SDK1: variants seen among roughly 807,000 people sequenced by gnomAD.
SDK1 encodes protein sidekick-1.
Under a neutral mutation model 245.5 loss-of-function variants are expected in SDK1, and 157 were observed. The observed-to-expected ratio is 0.64, with a 90% confidence interval of 0.56 to 0.73. The LOEUF (loss-of-function observed/expected upper bound fraction) is 0.73. Ranked by LOEUF, SDK1 falls within the 30% of genes least tolerant of loss-of-function variation. The probability of loss-of-function intolerance (pLI) is 0.00; values close to 1 mark genes in which losing one functional copy is unlikely to be tolerated. For missense variants in SDK1, 3,583 were observed against 3,002.3 expected, an observed-to-expected ratio of 1.19 and a Z score of -4.52; for synonymous variants, 1,647 against 1,278.5, an observed-to-expected ratio of 1.29 and a Z score of -6.15.
At chr7:4,263,459 C>A in intron 44 of SDK1, among the ~76,000 whole-genome samples, 1 of 149,010 alleles carries the variant, frequency 6.7e-6, no homozygotes, top group African/African-American at 2.5e-5. Flanking sequence ...GCGTAGACCT[C>A]TCTTGAGTGA....
At chr7:3,830,332 C>T (rs965157811) in intron 5 of SDK1, among the ~76,000 whole-genome samples, 1 of 152,202 alleles carries the variant, frequency 6.6e-6, no homozygotes, top group African/African-American at 2.4e-5. Context: ...TTTTTACAAA[C>T]TCCTCCACAT....
chr7:4,049,593 G>T, intron 18 of SDK1, 130 bp downstream of exon 18: 1 of 654,400 alleles, frequency 1.5e-6, no homozygotes, highest in South Asian at 1.8e-5. Context: ...CTTGACCTTG[G>T]TGAGACCACC....
chr7:3,859,012 GC>G (rs1465140298), intron 5 of SDK1, among the ~76,000 whole-genome samples: 1 of 150,518 alleles, frequency 6.6e-6, no homozygotes, highest in Non-Finnish European at 1.5e-5. Context: ...ACAGGCGCCC[GC>G]CACCATGCCC....
chr7:3,583,815 T>C (rs530627392), intron 1 of SDK1, among the ~76,000 whole-genome samples: 1 of 152,090 alleles, frequency 6.6e-6, no homozygotes, highest in South Asian at 2.1e-4. Context: ...CAGTAGAATT[T>C]ATTTCACTGG....
At chr7:3,691,028 A>C (rs949458572) in intron 4 of SDK1, among the ~76,000 whole-genome samples, 1 of 152,202 alleles carries the variant, frequency 6.6e-6, no homozygotes, top group African/African-American at 2.4e-5. Context: ...CCTTCAAAGA[A>C]AATTATTTGG....
chr7:3,493,285 TC>T (rs1356941310), intron 1 of SDK1, among the ~76,000 whole-genome samples: 2 of 152,308 alleles, frequency 1.3e-5, no homozygotes, highest in African/African-American at 4.8e-5. Context: ...TGTCTGTCCA[TC>T]CATCTCCCTA....
At chr7:3,883,221 C>T (rs1781249910) in intron 5 of SDK1, among the ~76,000 whole-genome samples, 1 of 152,178 alleles carries the variant, frequency 6.6e-6, no homozygotes, top group Admixed American at 6.5e-5. Flanking sequence ...CTGCTTTCCT[C>T]TGTTTTCTGC....
intron 44 of SDK1, 139 bp downstream of exon 44, chr7:4,245,944 T>A: frequency 9.4e-7 from 1 of 1,061,122 alleles, no homozygotes; most frequent in Non-Finnish European, 1.4e-6. Context: ...AGGGCTTCAT[T>A]ATGCAGATGA....
intron 1 of SDK1, among the ~76,000 whole-genome samples, chr7:3,312,040 A>G (rs1048630422): frequency 6.6e-6 from 1 of 152,116 alleles, no homozygotes; most frequent in African/African-American, 2.4e-5. Context: ...GAACTAGAAA[A>G]ACTTTGCCTA....
In SDK1 at chr7:3,379,818, C is replaced by G. The variant is rs1375040130; in HGVS notation, c.298+77934C>G. Among the ~76,000 whole-genome samples the G allele has an allele frequency of 1.2e-3, 11 of 8,990 alleles. No individual in the cohort carries two copies. In the African/African-American group the frequency reaches 0.027, roughly 22 times the overall value. The allele number at this position is 8,990 out of a possible 152,430, so 5.9% of individuals were successfully genotyped here. A position where few individuals can be genotyped will look rare whatever the true frequency, so the allele number is the denominator to read the frequency against. ...GTTCCAAAATCCAAAACTTCTTGAG[C>G]CACCTACATGATGCTCAAACTGAGT... is the stretch of plus-strand genomic sequence containing the variant. On this transcript the variant is annotated intron_variant, in intron 1 of 44. Coordinates refer to ENST00000404826, the MANE Select transcript of SDK1 (RefSeq NM_152744.4).
chr7:3,631,003 G>C (rs569644748), intron 2 of SDK1, among the ~76,000 whole-genome samples: 1 of 152,144 alleles, frequency 6.6e-6, no homozygotes, highest in South Asian at 2.1e-4. Flanking sequence ...TGGTGCAATG[G>C]TTCACTCCAG....
chr7:3,410,478 C>T (rs964384079), intron 1 of SDK1, among the ~76,000 whole-genome samples: 2 of 150,924 alleles, frequency 1.3e-5, no homozygotes, highest in Admixed American at 6.6e-5. Context: ...AAAGGATACT[C>T]AATTTGTGTA....
chr7:3,780,307 G>C (rs563928391), intron 4 of SDK1, among the ~76,000 whole-genome samples: 1 of 152,280 alleles, frequency 6.6e-6, no homozygotes, highest in African/African-American at 2.4e-5. Flanking sequence ...GTTCCAGGAT[G>C]CTTCACAAGA....
intron 5 of SDK1, among the ~76,000 whole-genome samples, chr7:3,890,841 T>C (rs759075035): frequency 6.6e-6 from 1 of 151,796 alleles, no homozygotes; most frequent in Non-Finnish European, 1.5e-5. Context: ...ACTTGGGAGG[T>C]TGAGGCAGGA....
At chr7:4,232,411 C>CTTTTTTT (rs71032930) in intron 40 of SDK1, among the ~76,000 whole-genome samples, 16 of 98,782 alleles carry the variant, frequency 1.6e-4, no homozygotes, top group East Asian at 9.5e-4. Flanking sequence ...TCTTTTCTTT[C>CTTTTTTT]TTTTTTTTTT....
At chr7:3,354,686 T>C (rs944626088) in intron 1 of SDK1, among the ~76,000 whole-genome samples, 5 of 152,252 alleles carry the variant, frequency 3.3e-5, no homozygotes, top group African/African-American at 1.2e-4. Context: ...ATATTGACTT[T>C]ATAGGTCTTG....
At chr7:3,789,020 C>G (rs185108692) in intron 4 of SDK1, among the ~76,000 whole-genome samples, 18 of 152,310 alleles carry the variant, frequency 1.2e-4, no homozygotes, top group African/African-American at 4.1e-4. Flanking sequence ...CTGACAAGCT[C>G]CTTTCTGAGG....
At chr7:3,514,083 A>G (rs1286083278) in intron 1 of SDK1, among the ~76,000 whole-genome samples, 6 of 152,128 alleles carry the variant, frequency 3.9e-5, no homozygotes, top group African/African-American at 1.4e-4. Context: ...GATGGAAAAT[A>G]TTCATATTTC....
intron 1 of SDK1, among the ~76,000 whole-genome samples, chr7:3,388,807 A>C (rs1420778863): frequency 3.9e-5 from 6 of 152,210 alleles, no homozygotes; most frequent in African/African-American, 1.4e-4. Flanking sequence ...ACGTGTGTTT[A>C]TCGAGTACCT....
Sources: gnomAD v4.1 joint callset for allele counts (sites outside exome capture counted in the v4.1 genomes callset) on GRCh38, gnomAD v4.1.1 for gene constraint, MANE v1.5 for transcripts, NCBI Gene and HGNC (gene_info 2026-07-23, HGNC 2026-07-21) for gene names.